The following MMEL1 variants were observed in gnomAD, a reference collection of about 807,000 sequenced individuals.
MMEL1 encodes membrane metalloendopeptidase like 1, also known as membrane metallo-endopeptidase-like 1.
In MMEL1, 98 loss-of-function variants were observed where a neutral mutation model predicts 117.1. The observed-to-expected ratio is 0.84, with a 90% CI of 0.71 to 0.99. The LOEUF (loss-of-function observed/expected upper bound fraction) is 0.99. Among genes scored for constraint, MMEL1 ranks in the 50% least tolerant of loss-of-function variants. The pLI, the probability that MMEL1 is intolerant of heterozygous loss-of-function variation, is 0.00. For synonymous variants in MMEL1, 390 were observed against 415.1 expected (o/e 0.94, Z 0.74); for missense variants, 1,014 against 1,049.1 (o/e 0.97, Z 0.46).
chr1:2,609,866 G>C, intron 4 of MMEL1, 35 bp from the exon 5 acceptor site: 1 of 1,576,492 alleles, frequency 6.3e-7, no homozygotes, highest in South Asian at 1.2e-5. Flanking sequence ...AGGGAGAGGG[G>C]AGACAGAGAG....
chr1:2,603,230 C>A (rs1254975002), intron 11 of MMEL1, among the ~76,000 whole-genome samples: 1 of 152,202 alleles, frequency 6.6e-6, no homozygotes, highest in African/African-American at 2.4e-5. Context: ...TTTGGACCCC[C>A]TTCTGCCCTT....
At position 2,606,328 on chromosome 1, in the gene MMEL1, T is replaced by A; in HGVS notation, c.670A>T (p.Asn224Tyr). 7.4e-6 allele frequency: 12 copies of A among 1,612,400 alleles called. No individual in the cohort carries two copies. Among genetic ancestry groups the A allele is most frequent in the Non-Finnish European group, 1.0e-5 (12 of 1,179,860 alleles). The change falls in exon 8 of 24, where the codon AAC (asparagine) becomes TAC (tyrosine). Residue 224 changes from asparagine (N) to tyrosine (Y), a missense_variant. By Grantham distance (143) the Asn-to-Tyr change is moderately radical (BLOSUM62 -2). Transcript: ENST00000378412. Reference protein sequence around the residue: ...WELERQLALMNSQFNRRVLID... With the variant: ...WELERQLALMYSQFNRRVLID... ...AGGACGCGCCTGTTGAACTGTGAGT[T>A]CATCAGCGCCAGCTGCCGCTCCAGC...
chr1:2,629,557 G>A, intron 1 of MMEL1, 36 bp from the exon 2 acceptor site: 2 of 1,382,818 alleles, frequency 1.4e-6, no homozygotes, highest in Non-Finnish European at 1.9e-6. Flanking sequence ...GGAGAGGGGC[G>A]TGGAGCTCCC....
In MMEL1 at chr1:2,595,160, C is replaced by T. The variant is rs562396411; in HGVS notation, c.1584+116G>A. 12 of 933,350 alleles carry T rather than the reference C, an allele frequency of 1.3e-5. No individual in the cohort carries two copies. Among genetic ancestry groups the T allele is most frequent in the Non-Finnish European group, 1.8e-5 (11 of 602,090 alleles). The allele number at this position is 933,350 out of a possible 1,614,324, so 57.8% of individuals were successfully genotyped here. On this transcript the variant is annotated intron_variant, in intron 16 of 23. Transcript: ENST00000378412. This position sits in a 1 kb window ranked among gnomAD's most constrained non-coding sequence, Gnocchi z 4.8. ...CCACCACCCTAGGGCACGGTGAGGA[C>T]AGCTGTGTTAGCGCCTGGGAGGAGG...
At chr1:2,607,425 T>C (rs1477970969) in intron 6 of MMEL1, among the ~76,000 whole-genome samples, 1 of 146,382 alleles carries the variant, frequency 6.8e-6, no homozygotes, top group Non-Finnish European at 1.5e-5. Context: ...GAGAGGAGGC[T>C]CTGGGATCAG....
intron 2 of MMEL1, among the ~76,000 whole-genome samples, chr1:2,617,280 A>G (rs1436709412): frequency 6.6e-6 from 1 of 152,004 alleles, no homozygotes; most frequent in Admixed American, 6.6e-5. Flanking sequence ...ACAAAAAATT[A>G]GCCGGGCGTG....
chr1:2,624,548 C>G lies in MMEL1; in HGVS notation c.154+4783G>C, dbSNP rs1258687366. ...GTATTATTATGTAAAAATTTAAACA[C>G]TATTCATGAGGCTCCTGATTTTATG... On this transcript the variant is annotated intron_variant, in intron 2 of 23. Coordinates refer to ENST00000378412, the MANE Select transcript of MMEL1 (RefSeq NM_033467.4). Among the ~76,000 whole-genome samples the G allele has an allele frequency of 2.6e-5, 4 of 152,236 alleles. No individual in the cohort carries two copies. In the East Asian group the frequency reaches 5.8e-4, roughly 22 times the overall value.
chr1:2,607,110 G>T, intron 6 of MMEL1, 41 bp from the exon 7 acceptor site: 1 of 1,559,628 alleles, frequency 6.4e-7, no homozygotes, highest in Non-Finnish European at 8.8e-7. Context: ...GCCTCCCTGT[G>T]GCTCACGTGC....
chr1:2,601,304 C>A (rs897764417), intron 11 of MMEL1, among the ~76,000 whole-genome samples: 2 of 152,024 alleles, frequency 1.3e-5, no homozygotes, highest in African/African-American at 4.8e-5. Context: ...TATGGGCCCA[C>A]GCATAGACAC....
chr1:2,597,099 G>A (rs1355741701), intron 13 of MMEL1, among the ~76,000 whole-genome samples: 9 of 152,034 alleles, frequency 5.9e-5, no homozygotes, highest in Admixed American at 1.3e-4. Context: ...TCTCTCCATT[G>A]TTGAAGCAGC....
At chr1:2,609,879 T>C (rs1645100108) in intron 4 of MMEL1, 48 bp from the exon 5 acceptor site, 2 of 1,564,380 alleles carry the variant, frequency 1.3e-6, no homozygotes, top group Non-Finnish European at 1.7e-6. Context: ...ACAGAGAGAG[T>C]TGTGGACAGC....
At chr1:2,604,446 G>A (rs1412073838) in intron 9 of MMEL1, among the ~76,000 whole-genome samples, 165 bp from the exon 10 acceptor site, 2 of 152,198 alleles carry the variant, frequency 1.3e-5, no homozygotes, top group Admixed American at 1.3e-4. Context: ...GAGTGGGAGC[G>A]TCTCAGACGC....
intron 4 of MMEL1, 48 bp from the exon 5 acceptor site, chr1:2,609,879 T>A: frequency 6.4e-7 from 1 of 1,564,380 alleles, no homozygotes; most frequent in South Asian, 1.2e-5. Flanking sequence ...ACAGAGAGAG[T>A]TGTGGACAGC....
chr1:2,598,522 C>T, intron 12 of MMEL1, 132 bp downstream of exon 12: 1 of 1,431,900 alleles, frequency 7.0e-7, no homozygotes, highest in East Asian at 2.4e-5. Flanking sequence ...TAAAGCTTAA[C>T]CCCTCATGTC....
intron 7 of MMEL1, 65 bp downstream of exon 7, chr1:2,606,909 C>T (rs1021394190): frequency 9.5e-6 from 14 of 1,469,900 alleles, no homozygotes; most frequent in Non-Finnish European, 1.2e-5. Flanking sequence ...GGCCTCAGAC[C>T]GAAGGAGCCC....
intron 6 of MMEL1, among the ~76,000 whole-genome samples, chr1:2,609,034 TAC>T (rs70956312): frequency 0.087 from 12,608 of 144,382 alleles, 549 homozygotes; most frequent in Non-Finnish European, 0.11. Context: ...ATCCATATAA[TAC>T]ACACACACAC....
rs1645151700 is a variant in MMEL1 at position 2,612,889 on chromosome 1, G to A, written c.155-685C>T. Among the ~76,000 whole-genome samples, 1 of 152,176 alleles carries A rather than the reference G, an allele frequency of 6.6e-6. No individual in the cohort carries two copies. The highest frequency in any genetic ancestry group is 1.5e-5 in the Non-Finnish European group (1 of 68,022). On this transcript the variant is annotated intron_variant, in intron 2 of 23. Coordinates refer to ENST00000378412, the MANE Select transcript of MMEL1 (RefSeq NM_033467.4). This position sits in a 1 kb window ranked among gnomAD's most constrained non-coding sequence, Gnocchi z 5.4. ...GACAAGCCAGGCCTGGCTACCTTCA[G>A]ACCTGGCTTGTGGCCGAATTTCCCC...
chr1:2,591,099 G>C lies in MMEL1; in HGVS notation c.2241-10C>G. ...CAGCGACCCCAGTACCCTGTGGGTG[G>C]GTGGGTGTGACAGCAGGAGCATTGC... On this transcript the variant is annotated splice_polypyrimidine_tract_variant and intron_variant, in intron 23 of 23. Coordinates refer to ENST00000378412, the MANE Select transcript of MMEL1 (RefSeq NM_033467.4). 6.4e-7 allele frequency: 1 copy of C among 1,555,498 alleles called. No homozygotes were observed. The highest frequency in any genetic ancestry group is 2.3e-5 in the East Asian group (1 of 43,576).
intron 2 of MMEL1, among the ~76,000 whole-genome samples, chr1:2,628,384 G>T (rs1638370545): frequency 6.6e-6 from 1 of 152,242 alleles, no homozygotes; most frequent in Admixed American, 6.5e-5. Flanking sequence ...CAGGCAGTGC[G>T]CAGGGCTCCA....
Sources: gnomAD v4.1 joint callset for allele counts (sites outside exome capture counted in the v4.1 genomes callset) on GRCh38, gnomAD v4.1.1 for gene constraint, Gnocchi (gnomAD v3.1) non-coding constraint, MANE v1.5 for transcripts, NCBI Gene and HGNC (gene_info 2026-07-23, HGNC 2026-07-21) for gene names.